FRK: variants seen among roughly 807,000 people sequenced by gnomAD.
The protein encoded by FRK is tyrosine-protein kinase FRK.
FRK carries 51 observed loss-of-function variants against 56.4 expected under a neutral mutation model. The observed-to-expected ratio is 0.90, with a 90% CI of 0.72 to 1.14. The LOEUF is 1.14. Among genes scored for constraint, FRK ranks in the 50% most tolerant of loss-of-function variants. The pLI, the probability that FRK is intolerant of heterozygous loss-of-function variation, is 0.00. For synonymous variants in FRK, 245 were observed against 217.9 expected (o/e 1.12, Z -1.10); for missense variants, 570 against 601.4 (o/e 0.95, Z 0.55).
At chr6:116,041,128 G>C (rs941953796) in intron 1 of FRK, among the ~76,000 whole-genome samples, 1 of 152,178 alleles carries the variant, frequency 6.6e-6, no homozygotes, top group Non-Finnish European at 1.5e-5. Flanking sequence ...TCGCTTCCCT[G>C]AGTTAGACTT....
intron 2 of FRK, among the ~76,000 whole-genome samples, chr6:115,991,272 T>G (rs1448618979): frequency 6.6e-6 from 1 of 151,926 alleles, no homozygotes; most frequent in African/African-American, 2.4e-5. Context: ...TTCTTTTTCT[T>G]GTCTGATTGC....
At chr6:116,042,259 T>C (rs930399128) in intron 1 of FRK, among the ~76,000 whole-genome samples, 1 of 152,066 alleles carries the variant, frequency 6.6e-6, no homozygotes, top group Non-Finnish European at 1.5e-5. Context: ...CAGGGGCTTA[T>C]AGATAAAATT....
chr6:116,094,299 G>A, the FRK span, among the ~76,000 whole-genome samples: 1 of 152,212 alleles, frequency 6.6e-6, no homozygotes, highest in Admixed American at 6.5e-5. Context: ...GCCAGCTCAT[G>A]TCATAACCCT....
In FRK at chr6:116,003,866, A is replaced by C. The variant is rs772216083; in HGVS notation, c.466+11T>G. ...AAGCTCATATTGAATGACACAAAAC[A>C]ATACCCTTACCTGAAAGAGAGAATT... On this transcript the variant is annotated intron_variant, in intron 2 of 7. Coordinates refer to ENST00000606080, the MANE Select transcript of FRK (RefSeq NM_002031.3). 17 of 1,613,128 alleles carry C rather than the reference A, an allele frequency of 1.1e-5. No homozygotes were observed. The Middle Eastern group carries it at 2.1e-3, about 203-fold the overall frequency.
intron 4 of FRK, among the ~76,000 whole-genome samples, chr6:115,958,704 G>GAAAGA (rs5879359): frequency 1.3e-3 from 9 of 6,954 alleles, no homozygotes; most frequent in African/African-American, 2.4e-3. Context: ...AAGAAAGAAA[G>GAAAGA]AAGAAAGAAA....
chr6:116,011,097 A>G lies in FRK; in HGVS notation c.345-7099T>C, dbSNP rs527881958. 2.6e-5 allele frequency among the ~76,000 whole-genome samples: 4 copies of G among 152,350 alleles called. No individual in the cohort carries two copies. In the East Asian group the frequency reaches 7.7e-4, roughly 29 times the overall value. On this transcript the variant is annotated intron_variant, in intron 1 of 7. Coordinates refer to ENST00000606080, the MANE Select transcript of FRK (RefSeq NM_002031.3). ...GAAAAAGGCAGTGAGCCTTAAAAAA[A>G]AAAATTGCAGTATAAATGAATATCA...
intron 1 of FRK, among the ~76,000 whole-genome samples, chr6:116,024,328 A>T (rs1405455105): frequency 6.6e-6 from 1 of 151,700 alleles, no homozygotes; most frequent in Non-Finnish European, 1.5e-5. Flanking sequence ...GGTTAGTTAC[A>T]TATGTATACA....
intron 1 of FRK, among the ~76,000 whole-genome samples, chr6:116,046,783 T>G (rs557856503): frequency 2.8e-4 from 43 of 152,084 alleles, no homozygotes; most frequent in South Asian, 1.0e-3. Context: ...AGTATAATAA[T>G]AAGAAGAAGA....
the FRK span, among the ~76,000 whole-genome samples, chr6:116,090,573 G>C: frequency 6.6e-6 from 1 of 152,320 alleles, no homozygotes; most frequent in South Asian, 2.1e-4. Flanking sequence ...GTGTTTTAAA[G>C]TTTATACAGC....
chr6:115,996,695 T>C (rs1774853783), intron 2 of FRK, among the ~76,000 whole-genome samples: 1 of 152,174 alleles, frequency 6.6e-6, no homozygotes, highest in Non-Finnish European at 1.5e-5. Context: ...GTGTGGCTAC[T>C]GATTTTACAA....
At chr6:116,084,375 G>A in the FRK span, among the ~76,000 whole-genome samples, 4 of 152,162 alleles carry the variant, frequency 2.6e-5, no homozygotes, top group African/African-American at 9.7e-5. Flanking sequence ...GACCAGGCTT[G>A]GATGATCATG....
intron 5 of FRK, among the ~76,000 whole-genome samples, chr6:115,949,273 A>G (rs1052783342): frequency 6.6e-6 from 1 of 151,766 alleles, no homozygotes; most frequent in Admixed American, 6.6e-5. Context: ...GAATACCTTT[A>G]TTTCTTTCTC....
chr6:116,048,184 G>T (rs1777050553), intron 1 of FRK, among the ~76,000 whole-genome samples: 1 of 152,116 alleles, frequency 6.6e-6, no homozygotes, highest in South Asian at 2.1e-4. Context: ...GAATAGAGTT[G>T]GCTCTTTGCC....
At chr6:115,975,430 A>G (rs1773956360) in intron 2 of FRK, among the ~76,000 whole-genome samples, 1 of 152,204 alleles carries the variant, frequency 6.6e-6, no homozygotes, top group South Asian at 2.1e-4. Flanking sequence ...ATAATCAAAT[A>G]CAGAATACGA....
chr6:115,946,091 A>C (rs1382219230), intron 5 of FRK, among the ~76,000 whole-genome samples: 1 of 152,158 alleles, frequency 6.6e-6, no homozygotes, highest in African/African-American at 2.4e-5. Context: ...AATTAAAAGA[A>C]TCTCACATCA....
chr6:116,009,079 C>T (rs1775366406), intron 1 of FRK, among the ~76,000 whole-genome samples: 1 of 151,922 alleles, frequency 6.6e-6, no homozygotes, highest in Non-Finnish European at 1.5e-5. Flanking sequence ...CAAAAAAAAA[C>T]AGAAGTGAGA....
intron 2 of FRK, among the ~76,000 whole-genome samples, chr6:116,003,319 A>G (rs766529143): frequency 3.9e-4 from 60 of 152,340 alleles, no homozygotes; most frequent in Non-Finnish European, 5.9e-4. Context: ...ATATTTAGGT[A>G]CCTGTAACTA....
chr6:116,089,270 C>A, the FRK span, among the ~76,000 whole-genome samples: 3 of 152,276 alleles, frequency 2.0e-5, no homozygotes, highest in South Asian at 6.2e-4. Flanking sequence ...ACTGAGATAT[C>A]TTTGCTTCAA....
the FRK span, among the ~76,000 whole-genome samples, chr6:116,092,819 C>T: frequency 3.3e-5 from 5 of 152,146 alleles, no homozygotes; most frequent in Non-Finnish European, 7.4e-5. Flanking sequence ...GCAGATTTTT[C>T]TTTCACATGG....
Sources: allele counts gnomAD v4.1 joint callset (sites outside exome capture counted in the v4.1 genomes callset), GRCh38; gene constraint gnomAD v4.1.1; transcripts MANE v1.5; gene names NCBI Gene and HGNC (gene_info 2026-07-23, HGNC 2026-07-21).